The following HK1 variants were observed in gnomAD, a reference collection of about 807,000 sequenced individuals.
The protein encoded by HK1 is hexokinase-1.
HK1 carries 28 observed loss-of-function variants against 91.6 expected under a neutral mutation model. The ratio of observed to expected loss-of-function variants is 0.31; its 90% CI spans 0.23 to 0.42. The LOEUF (loss-of-function observed/expected upper bound fraction) is 0.42, where lower values mean the gene tolerates loss of function less well. HK1 is among the 10% of genes least tolerant of loss of function. The probability of loss-of-function intolerance (pLI) is 1.00; values close to 1 mark genes in which losing one functional copy is unlikely to be tolerated. For missense variants in HK1, 770 were observed against 1,219.8 expected (o/e 0.63, Z 5.49); for synonymous variants, 430 against 468.1 (o/e 0.92, Z 1.05).
chr10:69,280,593 G>A (rs773922731), intron 1 of HK1, among the ~76,000 whole-genome samples: 9 of 152,280 alleles, frequency 5.9e-5, no homozygotes, highest in African/African-American at 1.7e-4. Flanking sequence ...GAGCCCTCAC[G>A]AATGTGATTC....
At chr10:69,395,383 C>T (rs1840088261) in intron 16 of HK1, among the ~76,000 whole-genome samples, 1 of 152,052 alleles carries the variant, frequency 6.6e-6, no homozygotes, top group Non-Finnish European at 1.5e-5. Context: ...TTGAGACCAT[C>T]CTGGCTAACA....
intron 5 of HK1, among the ~76,000 whole-genome samples, chr10:69,304,600 G>A (rs1247026632): frequency 6.6e-6 from 1 of 152,172 alleles, no homozygotes; most frequent in Non-Finnish European, 1.5e-5. Context: ...GAGCCACTGC[G>A]CTCAGCCTCA....
intron 3 of HK1, among the ~76,000 whole-genome samples, chr10:69,294,806 G>A (rs1845473455): frequency 6.6e-6 from 1 of 152,076 alleles, no homozygotes; most frequent in South Asian, 2.1e-4. Flanking sequence ...AGGTTGCAGT[G>A]AGCAGAGATC....
At chr10:69,318,321 C>T, upstream of HK1, 1 of 686,800 alleles carries the variant, frequency 1.5e-6, no homozygotes, top group Non-Finnish European at 1.8e-6. Context: ...CGCTTCCGCC[C>T]GCTTTCCACG....
chr10:69,343,242 T>G (rs1445606576), intron 1 of HK1, among the ~76,000 whole-genome samples: 1 of 152,240 alleles, frequency 6.6e-6, no homozygotes, highest in Admixed American at 6.5e-5. Context: ...AGTACTACTG[T>G]CTCATGTTAA....
intron 5 of HK1, among the ~76,000 whole-genome samples, chr10:69,303,058 C>T (rs1472879787): frequency 6.6e-6 from 1 of 152,130 alleles, no homozygotes; most frequent in Non-Finnish European, 1.5e-5. Context: ...AATCCCTACC[C>T]TTTATTTGTT....
chr10:69,274,291 A>G (rs963620302), intron 1 of HK1, among the ~76,000 whole-genome samples: 4 of 152,084 alleles, frequency 2.6e-5, no homozygotes, highest in Non-Finnish European at 4.4e-5. Flanking sequence ...TTAATTTTTC[A>G]AATTTTAATT....
chr10:69,339,570 C>T (rs1848193040), intron 1 of HK1, among the ~76,000 whole-genome samples: 2 of 152,236 alleles, frequency 1.3e-5, no homozygotes, highest in Non-Finnish European at 1.5e-5. Context: ...TTCTCTGTGT[C>T]TGCAGCCTGC....
At chr10:69,297,604 C>T (rs952217596) in intron 4 of HK1, among the ~76,000 whole-genome samples, 1 of 152,030 alleles carries the variant, frequency 6.6e-6, no homozygotes, top group Non-Finnish European at 1.5e-5. Flanking sequence ...TTTAGAATTG[C>T]TTGGTTGAGG....
intron 5 of HK1, among the ~76,000 whole-genome samples, chr10:69,303,164 C>G (rs1339480254): frequency 2.0e-5 from 3 of 150,534 alleles, no homozygotes; most frequent in Admixed American, 6.7e-5. Flanking sequence ...GTTTTTCTCT[C>G]AAATTTTAGA....
At chr10:69,278,047 G>T (rs1319607355) in intron 1 of HK1, among the ~76,000 whole-genome samples, 1 of 149,036 alleles carries the variant, frequency 6.7e-6, no homozygotes, top group Non-Finnish European at 1.5e-5. Flanking sequence ...AAAAAAAAAG[G>T]TTTGTTTTAT....
In HK1 at chr10:69,276,118, A is replaced by AAAAAAAAAAAAATATATATAT; in HGVS notation, c.-391+6011_-391+6012insAAAAAAAAAAATATATATATA. Among the ~76,000 whole-genome samples the AAAAAAAAAAAAATATATATAT allele has an allele frequency of 5.2e-5, 2 of 38,272 alleles. 1 individual carries two copies. Among genetic ancestry groups the AAAAAAAAAAAAATATATATAT allele is most frequent in the Middle Eastern group, 0.059 (2 of 34 alleles). The allele number at this position is 38,272 out of a possible 152,430, so 25.1% of individuals were successfully genotyped here. ...AAAAAAAAAAAAAAAAAAAAAAAAA[A>AAAAAAAAAAAAATATATATAT]ATACATATATATATATATATACACA... On this transcript the variant is annotated intron_variant, in intron 1 of 21. Coordinates refer to the HK1 transcript ENST00000360289.
At chr10:69,393,574 G>A (rs914212339) in intron 15 of HK1, among the ~76,000 whole-genome samples, 4 of 152,262 alleles carry the variant, frequency 2.6e-5, no homozygotes, top group African/African-American at 7.2e-5. Context: ...TGGGATTATA[G>A]GCGTGAGCCA....
intron 1 of HK1, among the ~76,000 whole-genome samples, chr10:69,322,539 A>G (rs375504931): frequency 2.4e-4 from 37 of 152,308 alleles, no homozygotes; most frequent in Middle Eastern, 3.4e-3. Flanking sequence ...AGGGTTGCCC[A>G]AGGTACATTC....
rs189843614 is a variant in HK1, at chr10:69,273,178, C to A, written c.-391+3070C>A. ...CCCAAGCACCTGGGTTACAGGTGCC[C>A]GCCACCATGCCCAGCTAACTTTTGT... On this transcript the variant is annotated intron_variant, in intron 1 of 21. Transcript: ENST00000360289. Among the ~76,000 whole-genome samples, 785 of 151,468 alleles carry A rather than the reference C, an allele frequency of 5.2e-3. 9 individuals carry two copies. Among genetic ancestry groups the A allele is most frequent in the African/African-American group, 0.018 (732 of 41,296 alleles).
intron 2 of HK1, among the ~76,000 whole-genome samples, chr10:69,344,520 A>G (rs537599910): frequency 6.6e-6 from 1 of 152,360 alleles, no homozygotes; most frequent in East Asian, 1.9e-4. Context: ...GATTTCACAG[A>G]TGCAGAATTG....
Position 69,343,841 on chromosome 10 carries a change from CTA to C in HK1, c.80_81del (p.Tyr27CysfsTer7). 6.2e-7 allele frequency: 1 copy of C among 1,612,968 alleles called. No homozygotes were observed. The highest frequency in any genetic ancestry group is 2.2e-5 in the East Asian group (1 of 44,858). ...DQVKKIDKYL[Y>X]AMRLSDETLI... is the part of the protein sequence containing the mutation. The stretch of plus-strand genomic sequence containing the variant: ...TCCCCCTCCAGATTGACAAGTATCT[CTA>C]TGCCATGCGGCTCTCCGATGAAACT... On this transcript the variant is annotated frameshift_variant, in exon 2 of 18. Coordinates refer to ENST00000359426, the MANE Select transcript of HK1 (RefSeq NM_000188.3). LOFTEE classifies it high-confidence loss of function.
rs769078127 is a variant in HK1 at position 69,401,183 on chromosome 10, A to G, written c.*48A>G. The stretch of plus-strand genomic sequence containing the variant: ...TGCCTCTCCAGCACTTCTCTCTTCA[A>G]GCGGCGACCCCCTACCCTCCCAGCG... On this transcript the variant is annotated 3_prime_UTR_variant, in exon 18 of 18. Transcript: ENST00000359426. The G allele has an allele frequency of 4.4e-6, 7 of 1,585,348 alleles. No individual in the cohort carries two copies. The highest frequency in any genetic ancestry group is 6.0e-6 in the Non-Finnish European group (7 of 1,167,884).
chr10:69,389,697 G>A (rs1181622040), intron 14 of HK1, among the ~76,000 whole-genome samples: 3 of 152,024 alleles, frequency 2.0e-5, no homozygotes, highest in South Asian at 4.2e-4. Flanking sequence ...GGGAGTCTGC[G>A]GCTGGAAAGG....
Sources: gnomAD v4.1 joint callset for allele counts (sites outside exome capture counted in the v4.1 genomes callset) on GRCh38, gnomAD v4.1.1 for gene constraint, MANE v1.5 for transcripts, NCBI Gene and HGNC (gene_info 2026-07-23, HGNC 2026-07-21) for gene names.